PIM1: variants seen among roughly 807,000 people sequenced by gnomAD.
PIM1 encodes Pim-1 proto-oncogene, serine/threonine kinase, also known as serine/threonine-protein kinase pim-1.
PIM1 carries 9 observed loss-of-function variants against 34.5 expected under a neutral mutation model. The ratio of observed to expected loss-of-function variants is 0.26; its 90% CI spans 0.16 to 0.46. The LOEUF (loss-of-function observed/expected upper bound fraction) is 0.46. Among genes scored for constraint, PIM1 ranks in the 20% least tolerant of loss-of-function variants. The pLI is 1.00. For missense variants in PIM1, 274 were observed against 410.9 expected (o/e 0.67, Z 2.88); for synonymous variants, 199 against 175.2 (o/e 1.14, Z -1.07).
At position 37,174,368 on chromosome 6, in the gene PIM1, C is replaced by CGGGGGTG. The variant is rs1762366560; in HGVS notation, c.*289_*295dup. On this transcript the variant is annotated 3_prime_UTR_variant, in exon 6 of 6. Transcript: ENST00000373509. ...AGCATTGCTGGACTCTGAAATATCC[C>CGGGGGTG]GGGGGTGGGGGGTGGGGGTGGGTCA... 5.3e-6 allele frequency: 1 copy of CGGGGGTG among 188,456 alleles called. No individual in the cohort carries two copies. 11.7% of individuals were successfully genotyped at this position (188,456 alleles called of 1,614,324 possible). A position where few individuals can be genotyped will look rare whatever the true frequency, so the allele number is the denominator to read the frequency against.
chr6:37,172,335 TCAAG>T, intron 4 of PIM1: 3 of 309,866 alleles, frequency 9.7e-6, no homozygotes, highest in African/African-American at 2.2e-5. Context: ...GTTTTTTCTT[TCAAG>T]TCTTTGCTGC....
chr6:37,174,117 C>A lies in PIM1; in HGVS notation c.*26C>A. 1 of 1,598,830 alleles carries A rather than the reference C, an allele frequency of 6.3e-7. No individual in the cohort carries two copies. The highest frequency in any genetic ancestry group is 1.1e-5 in the South Asian group (1 of 89,078). On this transcript the variant is annotated 3_prime_UTR_variant, in exon 6 of 6. Coordinates refer to ENST00000373509, the MANE Select transcript of PIM1 (RefSeq NM_002648.4). ...CAGCCTTTCTGGCAGGTCCTCCCCTCTCTTGTCAGATGCCCGAGGGAGGGG... is the reference window on the plus strand; with the variant it reads ...CAGCCTTTCTGGCAGGTCCTCCCCTATCTTGTCAGATGCCCGAGGGAGGGG...
Position 37,174,299 on chromosome 6 carries a change from C to T in PIM1, c.*208C>T. 2.2e-6 allele frequency: 1 copy of T among 453,366 alleles called. No individual in the cohort carries two copies. The highest frequency in any genetic ancestry group is 2.0e-5 in the African/African-American group (1 of 49,570). The allele number at this position is 453,366 out of a possible 1,614,324, so 28.1% of individuals were successfully genotyped here. Reference sequence around the variant, plus strand: ...AGAGTGACTCTCCAGGGGTCCTAGGCCTCAACTCCTCCCATAGATACTCTC... The same window carrying T: ...AGAGTGACTCTCCAGGGGTCCTAGGTCTCAACTCCTCCCATAGATACTCTC... On this transcript the variant is annotated 3_prime_UTR_variant, in exon 6 of 6. Coordinates refer to ENST00000373509, the MANE Select transcript of PIM1 (RefSeq NM_002648.4).
chr6:37,170,334 C>A lies in PIM1; in HGVS notation c.-242C>A, dbSNP rs1762246753. On this transcript the variant is annotated 5_prime_UTR_variant, in exon 1 of 6. Transcript: ENST00000373509. ...CACGAGCCCCACGAGCCGCTCACCC[C>A]GCCGTTCTCAGCGCTGCCCGACCCC... is the stretch of plus-strand genomic sequence containing the variant. 1 of 1,497,618 alleles carries A rather than the reference C, an allele frequency of 6.7e-7. No individual in the cohort carries two copies. Among genetic ancestry groups the A allele is most frequent in the Non-Finnish European group, 8.9e-7 (1 of 1,129,016 alleles). The allele number at this position is 1,497,618 out of a possible 1,614,324, so 92.8% of individuals were successfully genotyped here. A position where few individuals can be genotyped will look rare whatever the true frequency, so the allele number is the denominator to read the frequency against.
intron 5 of PIM1, 32 bp downstream of exon 5, chr6:37,173,204 A>G: frequency 6.3e-7 from 1 of 1,597,634 alleles, no homozygotes; most frequent in Non-Finnish European, 8.6e-7. Flanking sequence ...CCATGGGGTT[A>G]TTGGTCTTAA....
rs753077427 is a variant in PIM1, at chr6:37,174,115, C to G, written c.*24C>G. The G allele has an allele frequency of 1.9e-6, 3 of 1,600,238 alleles. No homozygotes were observed. The highest frequency in any genetic ancestry group is 2.6e-6 in the Non-Finnish European group (3 of 1,173,792). ...AGCAGCCTTTCTGGCAGGTCCTCCC[C>G]TCTCTTGTCAGATGCCCGAGGGAGG... On this transcript the variant is annotated 3_prime_UTR_variant, in exon 6 of 6. Transcript: ENST00000373509.
Position 37,173,190 on chromosome 6 carries a change from C to T in PIM1, c.784+18C>T. On this transcript the variant is annotated intron_variant, in intron 5 of 5. Coordinates refer to ENST00000373509, the MANE Select transcript of PIM1 (RefSeq NM_002648.4). The stretch of plus-strand genomic sequence containing the variant: ...CTCTTCAGGTAACTGATGGAAACCC[C>T]TGGCCATGGGGTTATTGGTCTTAAT... 1.9e-6 allele frequency: 3 copies of T among 1,613,200 alleles called. No homozygotes were observed. Among genetic ancestry groups the T allele is most frequent in the Non-Finnish European group, 1.7e-6 (2 of 1,179,254 alleles).
In PIM1 at chr6:37,170,552, T is replaced by C. The variant is rs778327456; in HGVS notation, c.-24T>C. 2 of 1,612,264 alleles carry C rather than the reference T, an allele frequency of 1.2e-6. No individual in the cohort carries two copies. The highest frequency in any genetic ancestry group is 1.7e-6 in the Non-Finnish European group (2 of 1,179,524). On this transcript the variant is annotated 5_prime_UTR_variant, in exon 1 of 6. Transcript: ENST00000373509. The stretch of plus-strand genomic sequence containing the variant: ...CGGCAGCTCCTCTGGGCACCGTCCC[T>C]GCGCCGACATCCTGGAGGTTGGGAT...
chr6:37,171,291 G>A lies in PIM1; in HGVS notation c.407G>A (p.Arg136Lys), dbSNP rs753402545. Reference sequence around the variant, plus strand: ...GATCTCTTCGACTTCATCACGGAAAGGGGAGCCCTGCAAGAGGAGCTGGCC... The same window carrying A: ...GATCTCTTCGACTTCATCACGGAAAAGGGAGCCCTGCAAGAGGAGCTGGCC... Reference protein sequence around the residue: ...VQDLFDFITERGALQEELARS... With the variant: ...VQDLFDFITEKGALQEELARS... The change falls in exon 4 of 6, where the codon AGG (arginine) becomes AAG (lysine). Residue 136 changes from arginine to lysine, a missense_variant. By Grantham distance (26) the Arg-to-Lys change is conservative. Transcript: ENST00000373509. 3.7e-6 allele frequency: 6 copies of A among 1,614,194 alleles called. No individual in the cohort carries two copies. Among genetic ancestry groups the A allele is most frequent in the Non-Finnish European group, 5.1e-6 (6 of 1,180,044 alleles).
In PIM1 at chr6:37,174,147, TTC is replaced by T. The variant is rs1220255066; in HGVS notation, c.*58_*59del. 9 of 1,544,272 alleles carry T rather than the reference TTC, an allele frequency of 5.8e-6. No individual in the cohort carries two copies. In the East Asian group the frequency reaches 2.0e-4, roughly 35 times the overall value. On this transcript the variant is annotated 3_prime_UTR_variant, in exon 6 of 6. Transcript: ENST00000373509. Reference sequence around the variant, plus strand: ...GTCAGATGCCCGAGGGAGGGGAAGCTTCTGTCTCCAGCTTCCCGAGTACCAGT... The same window carrying T: ...GTCAGATGCCCGAGGGAGGGGAAGCTTGTCTCCAGCTTCCCGAGTACCAGT...
In PIM1 at chr6:37,174,246, C is replaced by T; in HGVS notation, c.*155C>T. Reference sequence around the variant, plus strand: ...TACAACTCATTCCAGATCCCAGGCCCCTGGAGGCTGCCTCCCAACAGTGGG... The same window carrying T: ...TACAACTCATTCCAGATCCCAGGCCTCTGGAGGCTGCCTCCCAACAGTGGG... On this transcript the variant is annotated 3_prime_UTR_variant, in exon 6 of 6. Coordinates refer to ENST00000373509, the MANE Select transcript of PIM1 (RefSeq NM_002648.4). 4.1e-6 allele frequency: 3 copies of T among 732,482 alleles called. No homozygotes were observed. Among genetic ancestry groups the T allele is most frequent in the Non-Finnish European group, 4.3e-6 (2 of 463,656 alleles). The allele number at this position is 732,482 out of a possible 1,614,324, so 45.4% of individuals were successfully genotyped here. A position where few individuals can be genotyped will look rare whatever the true frequency, so the allele number is the denominator to read the frequency against.
chr6:37,173,015 T>C lies in PIM1; in HGVS notation c.627T>C (p.Pro209=), dbSNP rs1477171060. ...TCACAGGGACCCGAGTGTATAGCCC[T>C]CCAGAGTGGATCCGCTACCATCGCT... The part of the protein sequence containing the change: ...TDFDGTRVYS[P]PEWIRYHRYH... The change falls in exon 5 of 6, where the codon CCT becomes CCC. Residue 209 remains proline (P), a synonymous_variant. Transcript: ENST00000373509. 6.2e-7 allele frequency: 1 copy of C among 1,614,132 alleles called. No individual in the cohort carries two copies. Among genetic ancestry groups the C allele is most frequent in the East Asian group, 2.2e-5 (1 of 44,888 alleles).
In PIM1 at chr6:37,173,110, C is replaced by T; in HGVS notation, c.722C>T (p.Pro241Leu). 1 of 1,614,164 alleles carries T rather than the reference C, an allele frequency of 6.2e-7. No homozygotes were observed. Among genetic ancestry groups the T allele is most frequent in the Admixed American group, 1.7e-5 (1 of 60,020 alleles). ...TATGATATGGTGTGTGGAGATATTCCTTTCGAGCATGACGAAGAGATCATC... is the reference window on the plus strand; with the variant it reads ...TATGATATGGTGTGTGGAGATATTCTTTTCGAGCATGACGAAGAGATCATC... ...LLYDMVCGDI[P>L]FEHDEEIIRG... Residue 241 changes from proline to leucine, a missense_variant, in exon 5 of 6, where the codon CCT becomes CTT. Coordinates refer to ENST00000373509, the MANE Select transcript of PIM1 (RefSeq NM_002648.4).
intron 4 of PIM1, among the ~76,000 whole-genome samples, chr6:37,172,279 T>C (rs1350243912): frequency 6.6e-6 from 1 of 152,204 alleles, no homozygotes; most frequent in Non-Finnish European, 1.5e-5. Flanking sequence ...TGGGTTGGGC[T>C]GCATTTTTTG....
Position 37,171,147 on chromosome 6 carries a change from T to A in PIM1, c.263T>A (p.Met88Lys), listed in dbSNP as rs779472533. The A allele has an allele frequency of 6.2e-7, 1 of 1,613,904 alleles. No homozygotes were observed. The highest frequency in any genetic ancestry group is 1.3e-5 in the African/African-American group (1 of 75,050). Residue 88 changes from methionine to lysine, a missense_variant, in exon 4 of 6, where the codon ATG (methionine) becomes AAG (lysine). Met to Lys is a moderately conservative substitution (Grantham distance 95). Coordinates refer to ENST00000373509, the MANE Select transcript of PIM1 (RefSeq NM_002648.4). The stretch of plus-strand genomic sequence containing the variant: ...CAGCCTAATGGCACTCGAGTGCCCA[T>A]GGAAGTGGTCCTGCTGAAGAAGGTG... ...GELPNGTRVP[M>K]EVVLLKKVSS...
Position 37,170,822 on chromosome 6 carries a change from G to C in PIM1, c.132G>C (p.Leu44=). ...CGCAGTACCAGGTGGGCCCGCTACT[G>C]GGCAGCGGCGGCTTCGGCTCGGTCT... is the stretch of plus-strand genomic sequence containing the variant. ...LESQYQVGPL[L]GSGGFGSVYS... The change falls in exon 2 of 6, where the codon CTG becomes CTC. Residue 44 remains leucine (L), a synonymous_variant. Transcript: ENST00000373509. The C allele has an allele frequency of 6.2e-7, 1 of 1,612,776 alleles. No homozygotes were observed. Among genetic ancestry groups the C allele is most frequent in the Admixed American group, 1.7e-5 (1 of 60,008 alleles).
rs531611030 is a variant in PIM1, at chr6:37,174,075, C to A, written c.926C>A (p.Pro309Gln). 28 of 1,613,118 alleles carry A rather than the reference C, an allele frequency of 1.7e-5. No individual in the cohort carries two copies. In the South Asian group the frequency reaches 2.9e-4, roughly 16 times the overall value. Residue 309 changes from proline (P) to glutamine (Q), a missense_variant, in exon 6 of 6, where the codon CCG becomes CAG. Pro to Gln is a moderately conservative substitution (Grantham distance 76). This residue lies in a region of PIM1 where 168 missense variants were observed against 299.4 expected (regional missense o/e 0.56). Transcript: ENST00000373509. ...GAGATCCACCTCCACAGCCTGTCGC[C>A]GGGGCCCAGCAAATAGCAGCCTTTC... is the stretch of plus-strand genomic sequence containing the variant. ...TAEIHLHSLS[P>Q]GPSK
chr6:37,173,062 T>A lies in PIM1; in HGVS notation c.674T>A (p.Val225Asp). ...CGCTACCATGGCAGGTCGGCGGCAG[T>A]CTGGTCCCTGGGGATCCTGCTGTAT... ...YHRYHGRSAA[V>D]WSLGILLYDM... Residue 225 changes from valine (V) to aspartate (D), a missense_variant, in exon 5 of 6, where the codon GTC (valine) becomes GAC (aspartate). Physicochemically the swap from Val to Asp is radical, Grantham distance 152. Coordinates refer to ENST00000373509, the MANE Select transcript of PIM1 (RefSeq NM_002648.4). 7 of 1,614,210 alleles carry A rather than the reference T, an allele frequency of 4.3e-6. No homozygotes were observed. Among genetic ancestry groups the A allele is most frequent in the Non-Finnish European group, 5.9e-6 (7 of 1,180,028 alleles).
chr6:37,170,205 G>A lies in PIM1; in HGVS notation c.-371G>A. 1 of 1,204,424 alleles carries A rather than the reference G, an allele frequency of 8.3e-7. No homozygotes were observed. Among genetic ancestry groups the A allele is most frequent in the Non-Finnish European group, 1.0e-6 (1 of 962,786 alleles). The allele number at this position is 1,204,424 out of a possible 1,614,324, so 74.6% of individuals were successfully genotyped here. On this transcript the variant is annotated 5_prime_UTR_variant, in exon 1 of 6. Coordinates refer to ENST00000373509, the MANE Select transcript of PIM1 (RefSeq NM_002648.4). ...CTGCTGCAGCGGCCGCGGTGGCTGA[G>A]GAGGCCCGAGAGGAGTCGGTGGCAG...
Sources: allele counts gnomAD v4.1 joint callset (sites outside exome capture counted in the v4.1 genomes callset), GRCh38; gene constraint gnomAD v4.1.1; regional missense constraint gnomAD v4.1.1; transcripts MANE v1.5; gene names NCBI Gene and HGNC (gene_info 2026-07-23, HGNC 2026-07-21).